Variants in MAPKAP1 observed in about 807,000 individuals in gnomAD.
MAPKAP1 encodes MAPK associated protein 1.
MAPKAP1 carries 20 observed loss-of-function variants against 65.7 expected under a neutral mutation model. The ratio of observed to expected loss-of-function variants is 0.30; its 90% CI spans 0.21 to 0.44. The LOEUF (loss-of-function observed/expected upper bound fraction) is 0.44, where lower values mean the gene tolerates loss of function less well. Ranked by LOEUF, MAPKAP1 falls within the 20% of genes least tolerant of loss-of-function variation. The pLI, the probability that MAPKAP1 is intolerant of heterozygous loss-of-function variation, is 1.00. For missense variants in MAPKAP1, 423 were observed against 648.0 expected (o/e 0.65, Z 3.77); for synonymous variants, 222 against 244.3 (o/e 0.91, Z 0.85).
chr9:125,674,748 C>T (rs1834594672), intron 1 of MAPKAP1, among the ~76,000 whole-genome samples: 1 of 152,198 alleles, frequency 6.6e-6, no homozygotes, highest in African/African-American at 2.4e-5. Context: ...CATTAATCTT[C>T]ACTTTTTTCC....
intron 5 of MAPKAP1, among the ~76,000 whole-genome samples, chr9:125,565,160 ATAAGAT>A (rs1441087363): frequency 3.7e-4 from 56 of 152,230 alleles, no homozygotes; most frequent in African/African-American, 1.3e-3. Context: ...GTTCCATCAG[ATAAGAT>A]TAAAATTTTC....
At chr9:125,650,928 G>A (rs1266939952) in intron 4 of MAPKAP1, among the ~76,000 whole-genome samples, 1 of 152,154 alleles carries the variant, frequency 6.6e-6, no homozygotes, top group African/African-American at 2.4e-5. Flanking sequence ...TAATATAATG[G>A]TAAGGGGGAA....
At chr9:125,494,456 G>A (rs1854862205) in intron 8 of MAPKAP1, among the ~76,000 whole-genome samples, 1 of 152,162 alleles carries the variant, frequency 6.6e-6, no homozygotes, top group Non-Finnish European at 1.5e-5. Flanking sequence ...TGGAGCCAGA[G>A]CCAGCCAGGC....
chr9:125,521,433 C>T, intron 7 of MAPKAP1: 1 of 1,092,380 alleles, frequency 9.2e-7, no homozygotes, highest in Non-Finnish European at 1.1e-6. Flanking sequence ...ATTTTACATA[C>T]AGTTATCTGT....
intron 8 of MAPKAP1, among the ~76,000 whole-genome samples, chr9:125,502,208 C>A (rs1289470172): frequency 6.6e-6 from 1 of 151,756 alleles, no homozygotes; most frequent in Non-Finnish European, 1.5e-5. Flanking sequence ...TTCAAGCGAT[C>A]CCCCTGCCTC....
At chr9:125,510,338 T>C (rs2133092635) in intron 7 of MAPKAP1, among the ~76,000 whole-genome samples, 1 of 152,336 alleles carries the variant, frequency 6.6e-6, no homozygotes, top group East Asian at 1.9e-4. Flanking sequence ...TGGATTCATC[T>C]AGAATCTGAA....
intron 7 of MAPKAP1, among the ~76,000 whole-genome samples, chr9:125,510,928 G>T (rs943907032): frequency 1.3e-5 from 2 of 152,266 alleles, no homozygotes; most frequent in Middle Eastern, 3.4e-3. Context: ...ATAGCCAGGT[G>T]GTTAAGGGCA....
At chr9:125,546,590 TC>T (rs1284693678) in intron 6 of MAPKAP1, among the ~76,000 whole-genome samples, 1 of 152,178 alleles carries the variant, frequency 6.6e-6, no homozygotes, top group Non-Finnish European at 1.5e-5. Flanking sequence ...ATGCCTCATT[TC>T]TTTATATCCA....
intron 4 of MAPKAP1, among the ~76,000 whole-genome samples, chr9:125,632,561 T>C (rs1432693131): frequency 6.6e-6 from 1 of 152,222 alleles, no homozygotes; most frequent in Non-Finnish European, 1.5e-5. Context: ...GCCACCCCCA[T>C]ACACAAATGA....
intron 10 of MAPKAP1, among the ~76,000 whole-genome samples, chr9:125,449,004 C>CA (rs11358978): frequency 0.31 from 27,982 of 88,868 alleles, 3,830 homozygotes; most frequent in East Asian, 0.35. Context: ...GACTCTGTCT[C>CA]AAAAAAAAAA....
intron 5 of MAPKAP1, among the ~76,000 whole-genome samples, chr9:125,562,870 T>C (rs559812835): frequency 1.9e-4 from 29 of 152,304 alleles, no homozygotes; most frequent in Middle Eastern, 3.4e-3. Context: ...GAGATTCAAA[T>C]CCAGGCAGCC....
intron 4 of MAPKAP1, among the ~76,000 whole-genome samples, chr9:125,596,846 T>C (rs1418862502): frequency 6.6e-6 from 1 of 152,152 alleles, no homozygotes; most frequent in Non-Finnish European, 1.5e-5. Context: ...TTAGTTTTTC[T>C]TCTGTGGAAA....
chr9:125,591,786 T>C (rs896011640), intron 4 of MAPKAP1, among the ~76,000 whole-genome samples: 2 of 152,052 alleles, frequency 1.3e-5, no homozygotes, highest in Non-Finnish European at 2.9e-5. Flanking sequence ...ATCAACATAA[T>C]AGAAAGTAAT....
intron 7 of MAPKAP1, among the ~76,000 whole-genome samples, chr9:125,524,453 C>A (rs1292106736): frequency 1.3e-5 from 2 of 152,168 alleles, no homozygotes; most frequent in Admixed American, 1.3e-4. Flanking sequence ...GCACATTTTG[C>A]CATGTTCAAC....
intron 4 of MAPKAP1, among the ~76,000 whole-genome samples, chr9:125,647,685 T>C (rs1258689578): frequency 1.1e-4 from 17 of 152,218 alleles, no homozygotes; most frequent in Admixed American, 1.1e-3. Flanking sequence ...GCCGCTCTTG[T>C]CTTTTAAGTT....
chr9:125,491,785 C>CA (rs573099215), intron 8 of MAPKAP1, among the ~76,000 whole-genome samples: 1,628 of 147,434 alleles, frequency 0.011, 13 homozygotes, highest in African/African-American at 0.018. Context: ...CAAAAAAAAC[C>CA]AAAAAAACAA....
At chr9:125,596,268 T>G (rs2131600372) in intron 4 of MAPKAP1, 1 of 763,036 alleles carries the variant, frequency 1.3e-6, no homozygotes, top group East Asian at 2.4e-5. Context: ...TTCTGGAAAC[T>G]TTGGTGGTGG....
At chr9:125,622,993 T>G (rs1166431852) in intron 4 of MAPKAP1, among the ~76,000 whole-genome samples, 1 of 152,090 alleles carries the variant, frequency 6.6e-6, no homozygotes, top group Admixed American at 6.5e-5. Flanking sequence ...AGACGGGGTT[T>G]CGCTGTGTTG....
chr9:125,668,263 T>C lies in MAPKAP1; in HGVS notation c.349+1555A>G, dbSNP rs138391288. Among the ~76,000 whole-genome samples the C allele has an allele frequency of 6.1e-3, 929 of 152,304 alleles. 6 individuals carry two copies. Among genetic ancestry groups the C allele is most frequent in the African/African-American group, 0.02 (835 of 41,560 alleles). On this transcript the variant is annotated intron_variant, in intron 3 of 11. Transcript: ENST00000265960. The stretch of plus-strand genomic sequence containing the variant: ...CTCATTATCACACTTCCCTCCATGT[T>C]GGGTAACTTTGGCAAGTTCATCAAA...
Sources: gnomAD v4.1 joint callset for allele counts (sites outside exome capture counted in the v4.1 genomes callset) on GRCh38, gnomAD v4.1.1 for gene constraint, MANE v1.5 for transcripts, NCBI Gene and HGNC (gene_info 2026-07-23, HGNC 2026-07-21) for gene names.